Variants in NKAIN2 observed in about 807,000 individuals in gnomAD.
NKAIN2 encodes the protein sodium/potassium-transporting ATPase subunit beta-1-interacting protein 2.
In NKAIN2, 14 loss-of-function variants were observed where a neutral mutation model predicts 32.6. The observed-to-expected ratio is 0.43, with a 90% CI of 0.28 to 0.67. NKAIN2 has a LOEUF of 0.67. Ranked by LOEUF, NKAIN2 falls within the 30% of genes least tolerant of loss-of-function variation. The pLI is 0.17. For missense variants in NKAIN2, 198 were observed against 258.3 expected, an observed-to-expected ratio of 0.77 and a Z score of 1.60; for synonymous variants, 80 against 87.2, an observed-to-expected ratio of 0.92 and a Z score of 0.46.
intron 2 of NKAIN2, among the ~76,000 whole-genome samples, chr6:124,300,797 CTT>C (rs1796261523): frequency 6.6e-6 from 1 of 152,096 alleles, no homozygotes; most frequent in Admixed American, 6.5e-5. Flanking sequence ...ATCTGTGAAA[CTT>C]TTAAATTGAA....
At chr6:124,026,687 CCACTGATCAAT>C (rs1781128474) in intron 1 of NKAIN2, among the ~76,000 whole-genome samples, 2 of 152,180 alleles carry the variant, frequency 1.3e-5, no homozygotes, top group South Asian at 4.1e-4. Context: ...CAGACAGCCA[CCACTGATCAAT>C]CAGTGTTAGC....
chr6:124,162,979 G>C (rs112392444), intron 1 of NKAIN2, among the ~76,000 whole-genome samples: 144 of 152,068 alleles, frequency 9.5e-4, no homozygotes, highest in African/African-American at 3.4e-3. Context: ...ATATTATTTA[G>C]TTTATAATGT....
chr6:124,624,642 G>A (rs1489778940), intron 3 of NKAIN2, among the ~76,000 whole-genome samples: 2 of 152,082 alleles, frequency 1.3e-5, no homozygotes, highest in African/African-American at 4.8e-5. Flanking sequence ...TTTATTTTCT[G>A]CACCTTCCCC....
intron 3 of NKAIN2, among the ~76,000 whole-genome samples, chr6:124,409,596 C>A (rs1774053023): frequency 6.6e-6 from 1 of 152,106 alleles, no homozygotes; most frequent in Non-Finnish European, 1.5e-5. Flanking sequence ...TGCGGTTTGC[C>A]AGTATTTTAT....
At chr6:124,796,848 G>T (rs924445554) in intron 5 of NKAIN2, among the ~76,000 whole-genome samples, 2 of 152,140 alleles carry the variant, frequency 1.3e-5, no homozygotes, top group African/African-American at 4.8e-5. Flanking sequence ...TGTCTTTGTG[G>T]CAGGGCTCTC....
At chr6:124,563,157 G>A (rs1416284075) in intron 3 of NKAIN2, among the ~76,000 whole-genome samples, 1 of 151,860 alleles carries the variant, frequency 6.6e-6, no homozygotes, top group Non-Finnish European at 1.5e-5. Context: ...GCCCCCCTTG[G>A]CCTCCCAATG....
rs1262203264 is a variant in NKAIN2, at chr6:124,645,834, G to A, written c.274-12352G>A. The stretch of plus-strand genomic sequence containing the variant: ...GTTGGGAATTCTCTTTCTCATCTTT[G>A]CTCTGTTCACTCCTTCACTTCATTC... On this transcript the variant is annotated intron_variant, in intron 3 of 6. Transcript: ENST00000368417. Among the ~76,000 whole-genome samples the A allele has an allele frequency of 2.6e-5, 4 of 152,110 alleles. No homozygotes were observed. In the East Asian group the frequency reaches 7.7e-4, roughly 29 times the overall value.
intron 1 of NKAIN2, among the ~76,000 whole-genome samples, chr6:124,114,260 G>C (rs1476855930): frequency 6.6e-6 from 1 of 152,026 alleles, no homozygotes; most frequent in African/African-American, 2.4e-5. Flanking sequence ...ACATTGAGTA[G>C]GTTTATGATG....
chr6:124,780,615 A>G (rs561930465), intron 4 of NKAIN2, among the ~76,000 whole-genome samples: 6 of 152,336 alleles, frequency 3.9e-5, no homozygotes, highest in Non-Finnish European at 8.8e-5. Flanking sequence ...GGCTTGAGCC[A>G]ATCATGAATG....
At chr6:124,243,044 A>G (rs1793195849) in intron 1 of NKAIN2, among the ~76,000 whole-genome samples, 1 of 152,042 alleles carries the variant, frequency 6.6e-6, no homozygotes, top group Admixed American at 6.6e-5. Flanking sequence ...TAATTAAAAA[A>G]AAAAAAACCC....
intron 1 of NKAIN2, among the ~76,000 whole-genome samples, chr6:123,990,661 T>C (rs963730129): frequency 2.6e-5 from 4 of 152,172 alleles, no homozygotes; most frequent in African/African-American, 9.7e-5. Flanking sequence ...CATTTGACAC[T>C]TTGCATATGT....
intron 4 of NKAIN2, among the ~76,000 whole-genome samples, chr6:124,770,408 C>T (rs1160275197): frequency 1.3e-5 from 2 of 152,076 alleles, no homozygotes; most frequent in African/African-American, 4.8e-5. Context: ...AATCTCTTAG[C>T]GAAATTCTCA....
At chr6:124,219,340 C>A (rs1018721138) in intron 1 of NKAIN2, among the ~76,000 whole-genome samples, 1 of 149,700 alleles carries the variant, frequency 6.7e-6, no homozygotes, top group Non-Finnish European at 1.5e-5. Context: ...TGCAGTGGTG[C>A]GATCTCGGCT....
At chr6:124,685,937 G>C (rs918299538) in intron 4 of NKAIN2, among the ~76,000 whole-genome samples, 8 of 152,178 alleles carry the variant, frequency 5.3e-5, no homozygotes, top group African/African-American at 7.2e-5. Context: ...TGAATTATCT[G>C]CTTCAGTGTT....
At chr6:124,193,736 G>A (rs1036055218) in intron 1 of NKAIN2, among the ~76,000 whole-genome samples, 1 of 152,102 alleles carries the variant, frequency 6.6e-6, no homozygotes, top group African/African-American at 2.4e-5. Flanking sequence ...GCAAGGAGAA[G>A]AGGAGCTTTA....
chr6:124,268,742 C>T (rs1167884553), intron 1 of NKAIN2, among the ~76,000 whole-genome samples: 1 of 151,106 alleles, frequency 6.6e-6, no homozygotes, highest in African/African-American at 2.4e-5. Context: ...CACATTTATT[C>T]TACATATTCA....
chr6:124,709,889 C>A (rs1005740974), intron 4 of NKAIN2, among the ~76,000 whole-genome samples: 2 of 151,854 alleles, frequency 1.3e-5, no homozygotes, highest in African/African-American at 2.4e-5. Flanking sequence ...AATGTGTTTG[C>A]TCTTGCTTTT....
intron 1 of NKAIN2, among the ~76,000 whole-genome samples, chr6:123,933,841 G>T (rs1776380874): frequency 6.6e-6 from 1 of 152,126 alleles, no homozygotes; most frequent in South Asian, 2.1e-4. Context: ...CAGTGCTCAC[G>T]GGTCATTTTG....
chr6:124,407,645 G>A (rs938019059), intron 3 of NKAIN2, among the ~76,000 whole-genome samples: 25 of 151,756 alleles, frequency 1.6e-4, no homozygotes, highest in East Asian at 3.9e-4. Flanking sequence ...GACTAGTGCC[G>A]CAATAAACAT....
Sources: allele counts gnomAD v4.1 joint callset (sites outside exome capture counted in the v4.1 genomes callset), GRCh38; gene constraint gnomAD v4.1.1; transcripts MANE v1.5; gene names NCBI Gene and HGNC (gene_info 2026-07-23, HGNC 2026-07-21).